The following SEMA3E variants were observed in gnomAD, a reference collection of about 807,000 sequenced individuals.
SEMA3E encodes the protein semaphorin 3E, also known as semaphorin-3E.
A neutral mutation model predicts 93.6 loss-of-function variants in SEMA3E; 49 were observed. The ratio of observed to expected loss-of-function variants is 0.52; its 90% CI spans 0.42 to 0.66. The LOEUF is 0.66. Among genes scored for constraint, SEMA3E ranks in the 30% least tolerant of loss-of-function variants. SEMA3E has a pLI of 0.00. For synonymous variants in SEMA3E, 363 were observed against 330.7 expected (o/e 1.10, Z -1.06); for missense variants, 906 against 964.8 (o/e 0.94, Z 0.81).
rs938699811 is a variant in SEMA3E at position 83,560,632 on chromosome 7, T to A, written c.116-70358A>T. 2.6e-5 allele frequency among the ~76,000 whole-genome samples: 4 copies of A among 152,182 alleles called. No individual in the cohort carries two copies. The South Asian group carries it at 8.3e-4, about 32-fold the overall frequency. On this transcript the variant is annotated intron_variant, in intron 1 of 16. Coordinates refer to ENST00000643230, the MANE Select transcript of SEMA3E (RefSeq NM_012431.3). Reference sequence around the variant, plus strand: ...AGAATTCTCCTTTGAACTGATTATATCATCTTACTAGCTTTCTCTTTAGTA... The same window carrying A: ...AGAATTCTCCTTTGAACTGATTATAACATCTTACTAGCTTTCTCTTTAGTA...
At chr7:83,527,505 C>T (rs1024559959) in intron 1 of SEMA3E, among the ~76,000 whole-genome samples, 25 of 152,108 alleles carry the variant, frequency 1.6e-4, no homozygotes, top group African/African-American at 5.3e-4. Context: ...CCTGCTTCTG[C>T]CAACTCCTGC....
intron 1 of SEMA3E, among the ~76,000 whole-genome samples, chr7:83,613,634 C>A (rs959433245): frequency 6.6e-6 from 1 of 152,008 alleles, no homozygotes; most frequent in Non-Finnish European, 1.5e-5. Context: ...TTTTGATGCA[C>A]ATTTCAATTG....
rs1788740610 is a variant in SEMA3E, at chr7:83,424,970, G to A, written c.457-6487C>T. 11 of 253,524 alleles carry A rather than the reference G, an allele frequency of 4.3e-5. 1 individual carries two copies. Among genetic ancestry groups the A allele is most frequent in the Admixed American group, 3.3e-4 (8 of 24,514 alleles). 15.7% of individuals were successfully genotyped at this position (253,524 alleles called of 1,614,324 possible). A position where few individuals can be genotyped will look rare whatever the true frequency, so the allele number is the denominator to read the frequency against. On this transcript the variant is annotated intron_variant, in intron 4 of 16. Coordinates refer to ENST00000643230, the MANE Select transcript of SEMA3E (RefSeq NM_012431.3). Reference sequence around the variant, plus strand: ...CCCAGTCTCCAGTGACAATGTAGCTGATCTACATGACAAGTATAGTGGATC... The same window carrying A: ...CCCAGTCTCCAGTGACAATGTAGCTAATCTACATGACAAGTATAGTGGATC...
chr7:83,544,271 T>C (rs750672918), intron 1 of SEMA3E, among the ~76,000 whole-genome samples: 5 of 152,104 alleles, frequency 3.3e-5, no homozygotes, highest in Non-Finnish European at 5.9e-5. Flanking sequence ...TAATTACAGA[T>C]AATTGAGAAG....
At chr7:83,637,431 G>C (rs1275258920) in intron 1 of SEMA3E, among the ~76,000 whole-genome samples, 2 of 152,152 alleles carry the variant, frequency 1.3e-5, no homozygotes, top group East Asian at 1.9e-4. Flanking sequence ...AAAAATTATA[G>C]GCTCTTTTAA....
intron 4 of SEMA3E, among the ~76,000 whole-genome samples, chr7:83,436,159 T>C (rs978328456): frequency 6.6e-6 from 1 of 151,868 alleles, no homozygotes; most frequent in Non-Finnish European, 1.5e-5. Context: ...TTATGTTTTA[T>C]AGTAGTTCTC....
At chr7:83,473,730 C>T (rs560348209) in intron 2 of SEMA3E, among the ~76,000 whole-genome samples, 4 of 152,222 alleles carry the variant, frequency 2.6e-5, no homozygotes, top group East Asian at 3.9e-4. Flanking sequence ...TTCTTTTACA[C>T]GAATGATTCC....
chr7:83,637,023 AGTGTGTGTGTGTGTGTAT>A (rs1562865047), intron 1 of SEMA3E, among the ~76,000 whole-genome samples: 2 of 148,882 alleles, frequency 1.3e-5, no homozygotes, highest in Non-Finnish European at 3.0e-5. Context: ...TATGTGTGAG[AGTGTGTGTGTGTGTGTAT>A]GTGTGTGTGT....
chr7:83,445,488 C>T (rs774271794), intron 4 of SEMA3E, among the ~76,000 whole-genome samples: 8 of 152,120 alleles, frequency 5.3e-5, no homozygotes, highest in African/African-American at 7.2e-5. Context: ...GAGGCTGAGG[C>T]GGGTGTTTGG....
chr7:83,588,611 T>C (rs1233609156), intron 1 of SEMA3E, among the ~76,000 whole-genome samples: 1 of 152,178 alleles, frequency 6.6e-6, no homozygotes, highest in African/African-American at 2.4e-5. Flanking sequence ...CAGAAGTCAC[T>C]CATTACTATA....
chr7:83,616,115 T>C (rs920254106), intron 1 of SEMA3E, among the ~76,000 whole-genome samples: 3 of 152,138 alleles, frequency 2.0e-5, no homozygotes, highest in Admixed American at 2.0e-4. Flanking sequence ...ATTTCAATAA[T>C]TATGTTCAGT....
intron 6 of SEMA3E, 66 bp downstream of exon 6, chr7:83,408,301 CA>C: frequency 6.3e-7 from 1 of 1,589,840 alleles, no homozygotes; most frequent in Non-Finnish European, 8.6e-7. Flanking sequence ...ATCAAAATGG[CA>C]ACATTTTCCG....
chr7:83,508,646 T>G (rs751305232), intron 1 of SEMA3E, among the ~76,000 whole-genome samples: 9 of 152,208 alleles, frequency 5.9e-5, no homozygotes, highest in Non-Finnish European at 8.8e-5. Context: ...ATATTTATAC[T>G]TCATATCTTT....
At chr7:83,398,170 T>A (rs1419322958) in intron 11 of SEMA3E, among the ~76,000 whole-genome samples, 4 of 152,166 alleles carry the variant, frequency 2.6e-5, no homozygotes, top group African/African-American at 4.8e-5. Context: ...GCATGGTGTA[T>A]ATGGCAGCAC....
intron 7 of SEMA3E, 135 bp downstream of exon 7, chr7:83,406,962 G>T: frequency 2.0e-6 from 2 of 985,546 alleles, no homozygotes; most frequent in Admixed American, 2.0e-5. Flanking sequence ...TGTAGAGGTT[G>T]GTATAGTAAA....
chr7:83,429,604 C>T (rs1444465475), intron 4 of SEMA3E, among the ~76,000 whole-genome samples: 4 of 152,136 alleles, frequency 2.6e-5, no homozygotes, highest in African/African-American at 7.2e-5. Flanking sequence ...TTTTCAAAAA[C>T]CCTGCAGTGC....
intron 1 of SEMA3E, among the ~76,000 whole-genome samples, chr7:83,533,687 G>A (rs958864972): frequency 3.9e-5 from 6 of 152,168 alleles, no homozygotes; most frequent in African/African-American, 1.4e-4. Context: ...AGACAGGGAG[G>A]TGAGGAGATT....
chr7:83,466,082 C>T (rs370234763), intron 4 of SEMA3E, among the ~76,000 whole-genome samples: 1 of 152,244 alleles, frequency 6.6e-6, no homozygotes, highest in African/African-American at 2.4e-5. Context: ...CTTTGCATGT[C>T]CCTTGTAAAA....
At chr7:83,603,900 CGTGA>C (rs1793050148) in intron 1 of SEMA3E, among the ~76,000 whole-genome samples, 1 of 152,012 alleles carries the variant, frequency 6.6e-6, no homozygotes, top group South Asian at 2.1e-4. Context: ...CCCTTACATG[CGTGA>C]GTGTTTTTTA....
Sources: allele counts gnomAD v4.1 joint callset (sites outside exome capture counted in the v4.1 genomes callset), GRCh38; gene constraint gnomAD v4.1.1; transcripts MANE v1.5; gene names NCBI Gene and HGNC (gene_info 2026-07-23, HGNC 2026-07-21).